ELOVL1: variants seen among roughly 807,000 people sequenced by gnomAD.
ELOVL1 encodes ELOVL fatty acid elongase 1.
In ELOVL1, 10 loss-of-function variants were observed where a neutral mutation model predicts 37.8. The observed-to-expected ratio is 0.26, with a 90% CI of 0.16 to 0.45. ELOVL1 has a LOEUF of 0.45. Among genes scored for constraint, ELOVL1 ranks in the 20% least tolerant of loss-of-function variants. The probability of loss-of-function intolerance (pLI) is 1.00; values close to 1 mark genes in which losing one functional copy is unlikely to be tolerated. For missense variants in ELOVL1, 256 were observed against 352.7 expected (o/e 0.73, Z 2.20); for synonymous variants, 133 against 123.8 (o/e 1.07, Z -0.49).
rs770372921 is a variant in ELOVL1 at position 43,364,670 on chromosome 1, G to T, written c.376-23C>A. 11 of 1,614,068 alleles carry T rather than the reference G, an allele frequency of 6.8e-6. No individual in the cohort carries two copies. The South Asian group carries it at 9.9e-5, about 14-fold the overall frequency. On this transcript the variant is annotated intron_variant, in intron 5 of 7. Coordinates refer to ENST00000372458, the MANE Select transcript of ELOVL1 (RefSeq NM_022821.4). This position sits in a 1 kb window ranked among gnomAD's most constrained non-coding sequence, Gnocchi z 5.2. ...CACCTGAGAGAAGAGTGAGGGAAGG[G>T]GATTCAGAACCTGGGCTTCTCCACC... is the stretch of plus-strand genomic sequence containing the variant.
Position 43,364,378 on chromosome 1 carries a change from G to A in ELOVL1, c.564C>T (p.Gly188=), listed in dbSNP as rs371472640. ...MYLYYGLSAF[G]PVAQPYLWWK... is the part of the protein sequence containing the mutation. ...ACCAAAGGTAGGGTTGTGCCACAGGGCCAAAGGCAGATAATCCGTAGTACA... is the reference window on the plus strand; with the variant it reads ...ACCAAAGGTAGGGTTGTGCCACAGGACCAAAGGCAGATAATCCGTAGTACA... Residue 188 remains glycine, a synonymous_variant, in exon 7 of 8, where the codon GGC becomes GGT. Coordinates refer to ENST00000372458, the MANE Select transcript of ELOVL1 (RefSeq NM_022821.4). The surrounding 1 kb of genome is among the most constrained non-coding windows in gnomAD (Gnocchi z 5.2). The A allele has an allele frequency of 9.9e-6, 16 of 1,614,034 alleles. No individual in the cohort carries two copies. The highest frequency in any genetic ancestry group is 1.7e-5 in the Admixed American group (1 of 60,002).
In ELOVL1 at chr1:43,364,470, GACAA is replaced by G. The variant is rs764455088; in HGVS notation, c.482-14_482-11del. 6 of 1,614,060 alleles carry G rather than the reference GACAA, an allele frequency of 3.7e-6. No individual in the cohort carries two copies. The highest frequency in any genetic ancestry group is 4.2e-6 in the Non-Finnish European group (5 of 1,180,000). On this transcript the variant is annotated splice_polypyrimidine_tract_variant and intron_variant, in intron 6 of 7. Coordinates refer to ENST00000372458, the MANE Select transcript of ELOVL1 (RefSeq NM_022821.4). The surrounding 1 kb of genome is among the most constrained non-coding windows in gnomAD (Gnocchi z 5.2). The stretch of plus-strand genomic sequence containing the variant: ...AAAGAGCCCATTCCTCCTGTGAGTG[GACAA>G]TAAGACAGGGTCAGCAGAGTCCAGC...
In ELOVL1 at chr1:43,363,474, C is replaced by T. The variant is rs892521306; in HGVS notation, c.*442G>A. 1.0e-5 allele frequency: 4 copies of T among 395,628 alleles called. No individual in the cohort carries two copies. The highest frequency in any genetic ancestry group is 6.0e-5 in the East Asian group (1 of 16,748). 24.5% of individuals were successfully genotyped at this position (395,628 alleles called of 1,614,324 possible). A position where few individuals can be genotyped will look rare whatever the true frequency, so the allele number is the denominator to read the frequency against. ...TCCACAGGCTGTATTCCCAGGCCCC[C>T]GCCCACCCTGACCTTTGGCCCAGAA... On this transcript the variant is annotated 3_prime_UTR_variant, in exon 8 of 8. Coordinates refer to ENST00000372458, the MANE Select transcript of ELOVL1 (RefSeq NM_022821.4).
chr1:43,367,004 G>C (rs1647258353), intron 1 of ELOVL1: 1 of 152,300 alleles, frequency 6.6e-6, no homozygotes, highest in Non-Finnish European at 1.5e-5. Flanking sequence ...CAGATGCCAA[G>C]TGAAGAGGCG....
intron 1 of ELOVL1, among the ~76,000 whole-genome samples, chr1:43,366,081 C>G (rs2153923645): frequency 6.6e-6 from 1 of 152,196 alleles, no homozygotes; most frequent in East Asian, 1.9e-4. Flanking sequence ...CTCCTGCCCT[C>G]TCCTCTTCCC....
rs1647293392 is a variant in ELOVL1 at position 43,367,920 on chromosome 1, G to C, written c.-20C>G. 1 of 152,738 alleles carries C rather than the reference G, an allele frequency of 6.5e-6. No homozygotes were observed. Among genetic ancestry groups the C allele is most frequent in the Non-Finnish European group, 1.5e-5 (1 of 68,486 alleles). 9.5% of individuals were successfully genotyped at this position (152,738 alleles called of 1,614,324 possible). On this transcript the variant is annotated 5_prime_UTR_variant, in exon 1 of 8. Transcript: ENST00000372458. ...CGTGGAAGGTCCAGACTCACCCGTA[G>C]GGGCCAGGCGGGCAACGGCGGAGCG... is the stretch of plus-strand genomic sequence containing the variant.
Position 43,364,810 on chromosome 1 carries a change from A to T in ELOVL1, c.319-16T>A, listed in dbSNP as rs773499901. On this transcript the variant is annotated splice_polypyrimidine_tract_variant and intron_variant, in intron 4 of 7. Transcript: ENST00000372458. This position sits in a 1 kb window ranked among gnomAD's most constrained non-coding sequence, Gnocchi z 5.2. The stretch of plus-strand genomic sequence containing the variant: ...CCCGAACCATCTGCAAGAAGTTGGG[A>T]TAGCCTTAGGACCTCATACACTATT... 2.5e-6 allele frequency: 4 copies of T among 1,614,192 alleles called. No individual in the cohort carries two copies. Among genetic ancestry groups the T allele is most frequent in the South Asian group, 1.1e-5 (1 of 91,084 alleles).
At chr1:43,367,210 G>A (rs1647264611) in intron 1 of ELOVL1, 1 of 152,572 alleles carries the variant, frequency 6.6e-6, no homozygotes, top group African/African-American at 2.4e-5. Context: ...CACCTCCGTG[G>A]GCTGACACGC....
intron 2 of ELOVL1, 73 bp from the exon 3 acceptor site, chr1:43,365,449 C>T: frequency 6.2e-7 from 1 of 1,609,766 alleles, no homozygotes; most frequent in South Asian, 1.1e-5. Flanking sequence ...GGTCTACAGA[C>T]ATGAGGTCAG....
Position 43,363,732 on chromosome 1 carries a change from A to G in ELOVL1, c.*184T>C. Reference sequence around the variant, plus strand: ...CACATCCCTGGAGCTGCCCGGGGGAAGTGGGTGAGGAACCAAAGCCGTGGT... The same window carrying G: ...CACATCCCTGGAGCTGCCCGGGGGAGGTGGGTGAGGAACCAAAGCCGTGGT... On this transcript the variant is annotated 3_prime_UTR_variant, in exon 8 of 8. Coordinates refer to ENST00000372458, the MANE Select transcript of ELOVL1 (RefSeq NM_022821.4). 3.4e-6 allele frequency: 2 copies of G among 596,754 alleles called. No individual in the cohort carries two copies. Among genetic ancestry groups the G allele is most frequent in the Non-Finnish European group, 5.9e-6 (2 of 337,878 alleles). 37.0% of individuals were successfully genotyped at this position (596,754 alleles called of 1,614,324 possible). A position where few individuals can be genotyped will look rare whatever the true frequency, so the allele number is the denominator to read the frequency against.
At chr1:43,365,038 A>AGTTC in intron 3 of ELOVL1, 30 bp from the exon 4 acceptor site, 1 of 1,604,914 alleles carries the variant, frequency 6.2e-7, no homozygotes, top group South Asian at 1.1e-5. Flanking sequence ...AGACCACCAG[A>AGTTC]GTTCTCCCTT....
Position 43,363,618 on chromosome 1 carries a change from C to A in ELOVL1, c.*298G>T. On this transcript the variant is annotated 3_prime_UTR_variant, in exon 8 of 8. Transcript: ENST00000372458. ...CCCTTTGTGGGGCCAGCCCTGAGTG[C>A]TCCTCTCCCAAGTTTTAAGGCAGGG... 1 of 448,782 alleles carries A rather than the reference C, an allele frequency of 2.2e-6. No homozygotes were observed. The highest frequency in any genetic ancestry group is 4.1e-6 in the Non-Finnish European group (1 of 245,516). The allele number at this position is 448,782 out of a possible 1,614,324, so 27.8% of individuals were successfully genotyped here. A position where few individuals can be genotyped will look rare whatever the true frequency, so the allele number is the denominator to read the frequency against.
rs762042663 is a variant in ELOVL1, at chr1:43,364,661, G to A, written c.376-14C>T. 6.2e-7 allele frequency: 1 copy of A among 1,614,124 alleles called. No homozygotes were observed. The highest frequency in any genetic ancestry group is 1.7e-5 in the Admixed American group (1 of 60,012). On this transcript the variant is annotated splice_polypyrimidine_tract_variant and intron_variant, in intron 5 of 7. Coordinates refer to ENST00000372458, the MANE Select transcript of ELOVL1 (RefSeq NM_022821.4). The surrounding 1 kb of genome is among the most constrained non-coding windows in gnomAD (Gnocchi z 5.2). ...AATAAAGATCACCTGAGAGAAGAGT[G>A]AGGGAAGGGGATTCAGAACCTGGGC...
Position 43,364,403 on chromosome 1 carries a change from AG to A in ELOVL1, c.538del (p.Leu180CysfsTer22). 1.9e-6 allele frequency: 3 copies of A among 1,614,204 alleles called. No homozygotes were observed. The highest frequency in any genetic ancestry group is 2.5e-6 in the Non-Finnish European group (3 of 1,180,036). ...INSSVHVIMY[L>X]YYGLSAFGPV... ...GCCAAAGGCAGATAATCCGTAGTAC[AG>A]GTACATTATGACATGCACGGAAGAG... On this transcript the variant is annotated frameshift_variant, in exon 7 of 8. Coordinates refer to ENST00000372458, the MANE Select transcript of ELOVL1 (RefSeq NM_022821.4). LOFTEE classifies it high-confidence loss of function. The surrounding 1 kb of genome is among the most constrained non-coding windows in gnomAD (Gnocchi z 5.2).
Position 43,365,292 on chromosome 1 carries a change from G to A in ELOVL1, c.131C>T (p.Ser44Leu). ...ATTAGCCATGATGCGAGGCCCAAGT[G>A]AGAGAACGAAGTACACGTAGGTCAG... ...ILLTYVYFVL[S>L]LGPRIMANRK... Residue 44 changes from serine (S) to leucine (L), a missense_variant, in exon 3 of 8, where the codon TCA becomes TTA. Ser to Leu is a moderately radical substitution (Grantham distance 145, BLOSUM62 -2). Transcript: ENST00000372458. The A allele has an allele frequency of 6.2e-7, 1 of 1,614,108 alleles. No homozygotes were observed. Among genetic ancestry groups the A allele is most frequent in the Non-Finnish European group, 8.5e-7 (1 of 1,180,016 alleles).
At chr1:43,365,065 C>T (rs1009923167) in intron 3 of ELOVL1, 57 bp from the exon 4 acceptor site, 1 of 1,591,860 alleles carries the variant, frequency 6.3e-7, no homozygotes, top group African/African-American at 1.3e-5. Flanking sequence ...CATCCCTCCC[C>T]TTCGCTAGCT....
At position 43,364,727 on chromosome 1, in the gene ELOVL1, T is replaced by TA. The variant is rs1647202564; in HGVS notation, c.375+10dup. ...TCCCCTCAAGTTCTCACATCTCATA[T>TA]AACTACTCACTGTGTCCATCAGCTC... is the stretch of plus-strand genomic sequence containing the variant. On this transcript the variant is annotated intron_variant, in intron 5 of 7. Coordinates refer to ENST00000372458, the MANE Select transcript of ELOVL1 (RefSeq NM_022821.4). The surrounding 1 kb of genome is among the most constrained non-coding windows in gnomAD (Gnocchi z 5.2). 1 of 1,614,188 alleles carries TA rather than the reference T, an allele frequency of 6.2e-7. No homozygotes were observed. Among genetic ancestry groups the TA allele is most frequent in the African/African-American group, 1.3e-5 (1 of 75,050 alleles).
At position 43,363,805 on chromosome 1, in the gene ELOVL1, C is replaced by T. The variant is rs1570485580; in HGVS notation, c.*111G>A. 3 of 1,023,804 alleles carry T rather than the reference C, an allele frequency of 2.9e-6. No homozygotes were observed. Among genetic ancestry groups the T allele is most frequent in the Admixed American group, 3.7e-5 (2 of 53,512 alleles). 63.4% of individuals were successfully genotyped at this position (1,023,804 alleles called of 1,614,324 possible). Reference sequence around the variant, plus strand: ...GGGGAGGGCCAGTCCCCTGCTCAGTCCTGACCACATAAGCCTTGGTCACAG... The same window carrying T: ...GGGGAGGGCCAGTCCCCTGCTCAGTTCTGACCACATAAGCCTTGGTCACAG... On this transcript the variant is annotated 3_prime_UTR_variant, in exon 8 of 8. Transcript: ENST00000372458.
Position 43,364,620 on chromosome 1 carries a change from C to A in ELOVL1, c.403G>T (p.Gly135Trp). 1.2e-6 allele frequency: 2 copies of A among 1,614,098 alleles called. No individual in the cohort carries two copies. Among genetic ancestry groups the A allele is most frequent in the Non-Finnish European group, 1.7e-6 (2 of 1,180,022 alleles). Residue 135 changes from glycine to tryptophan, a missense_variant, in exon 6 of 8, where the codon GGG becomes TGG. Coordinates refer to ENST00000372458, the MANE Select transcript of ELOVL1 (RefSeq NM_022821.4). The surrounding 1 kb of genome is among the most constrained non-coding windows in gnomAD (Gnocchi z 5.2). The part of the protein sequence containing the change: ...TVIFILRKKD[G>W]QVTFLHVFHH... ...AAGACATGTAGGAAGGTCACCTGCC[C>A]GTCTTTCTTTCGGAGAATAAAGATC...
Sources: allele counts gnomAD v4.1 joint callset (sites outside exome capture counted in the v4.1 genomes callset), GRCh38; gene constraint gnomAD v4.1.1; non-coding constraint Gnocchi (gnomAD v3.1); transcripts MANE v1.5; gene names NCBI Gene and HGNC (gene_info 2026-07-23, HGNC 2026-07-21).